OIT3: variants seen among roughly 807,000 people sequenced by gnomAD.
The protein encoded by OIT3 is oncoprotein-induced transcript 3 protein.
Under a neutral mutation model 52.2 loss-of-function variants are expected in OIT3, and 41 were observed. That is an observed-to-expected ratio of 0.79 (90% CI 0.61 to 1.02). The LOEUF (loss-of-function observed/expected upper bound fraction) is 1.02. OIT3 is among the 50% of genes least tolerant of loss of function. The probability of loss-of-function intolerance (pLI) is 0.00; values close to 1 mark genes in which losing one functional copy is unlikely to be tolerated. For synonymous variants in OIT3, 244 were observed against 276.9 expected (o/e 0.88, Z 1.18); for missense variants, 634 against 715.5 (o/e 0.89, Z 1.30).
intron 8 of OIT3, 83 bp downstream of exon 8, chr10:72,930,720 C>T (rs1355809433): frequency 1.2e-6 from 1 of 823,234 alleles, no homozygotes; most frequent in Non-Finnish European, 2.0e-6. Flanking sequence ...GTTGACATTC[C>T]AAGAGCCCAC....
chr10:72,897,242 T>C (rs1330064850), intron 1 of OIT3, among the ~76,000 whole-genome samples: 1 of 152,184 alleles, frequency 6.6e-6, no homozygotes, highest in Non-Finnish European at 1.5e-5. Flanking sequence ...CAGGCTGGTC[T>C]CGAACTCCTG....
rs185303310 is a variant in OIT3, at chr10:72,918,984, A to G, written c.952-5245A>G. 7.9e-5 allele frequency among the ~76,000 whole-genome samples: 12 copies of G among 152,344 alleles called. No homozygotes were observed. In the East Asian group the frequency reaches 2.3e-3, roughly 29 times the overall value. On this transcript the variant is annotated intron_variant, in intron 6 of 8. Coordinates refer to ENST00000334011, the MANE Select transcript of OIT3 (RefSeq NM_152635.3). ...TTTTTTGATTCGATATGAATTTTAA[A>G]ATAGATTTTTCTGCAAAGAATATCA...
At chr10:72,913,654 A>C (rs760531658) in intron 6 of OIT3, 186 bp downstream of exon 6, 1 of 689,592 alleles carries the variant, frequency 1.5e-6, no homozygotes, top group Non-Finnish European at 2.6e-6. Flanking sequence ...TGGTCCTGGC[A>C]CTGTGAAGAA....
chr10:72,924,012 C>T (rs1035735065), intron 6 of OIT3, among the ~76,000 whole-genome samples: 2 of 151,840 alleles, frequency 1.3e-5, no homozygotes, highest in Non-Finnish European at 2.9e-5. Context: ...AGCAGTCTGG[C>T]TGTGTTTTGG....
At chr10:72,908,845 T>C (rs1846003049) in intron 4 of OIT3, among the ~76,000 whole-genome samples, 1 of 152,038 alleles carries the variant, frequency 6.6e-6, no homozygotes, top group Non-Finnish European at 1.5e-5. Context: ...TTTATAACCC[T>C]TAAGTTTTAT....
In OIT3 at chr10:72,924,487, C is replaced by A. The variant is rs141975285; in HGVS notation, c.1210C>A (p.Arg404=). 1 of 1,614,154 alleles carries A rather than the reference C, an allele frequency of 6.2e-7. No individual in the cohort carries two copies. The highest frequency in any genetic ancestry group is 1.1e-5 in the South Asian group (1 of 91,082). ...GGACAATGAGTTTGAAGAGCCTTAC[C>A]GGGAAGCTCTGCCCACCCTCAAGCT... is the stretch of plus-strand genomic sequence containing the variant. ...FKDNEFEEPY[R]EALPTLKLRD... is the part of the protein sequence containing the mutation. The change falls in exon 7 of 9, where the codon CGG becomes AGG. Residue 404 remains arginine, a synonymous_variant. Transcript: ENST00000334011.
chr10:72,924,137 G>T, intron 6 of OIT3, 92 bp from the exon 7 acceptor site: 1 of 1,121,552 alleles, frequency 8.9e-7, no homozygotes, highest in Non-Finnish European at 1.3e-6. Context: ...GTGTTTTGAG[G>T]TAGATAGAAT....
At chr10:72,917,383 C>A (rs189923742) in intron 6 of OIT3, among the ~76,000 whole-genome samples, 2 of 152,130 alleles carry the variant, frequency 1.3e-5, no homozygotes, top group African/African-American at 4.8e-5. Flanking sequence ...TTTCCATGCC[C>A]AACCACCGCT....
intron 6 of OIT3, among the ~76,000 whole-genome samples, chr10:72,915,193 TA>T (rs1846062823): frequency 6.6e-6 from 1 of 152,112 alleles, no homozygotes; most frequent in Non-Finnish European, 1.5e-5. Context: ...TTTTCTTATT[TA>T]TTAAAAAGTA....
rs111375422 is a variant in OIT3 at position 72,906,991 on chromosome 10, G to A, written c.667+273G>A. 3.0e-3 allele frequency among the ~76,000 whole-genome samples: 453 copies of A among 152,330 alleles called. 3 individuals are homozygous for A. Among genetic ancestry groups the A allele is most frequent in the African/African-American group, 0.01 (422 of 41,562 alleles). ...AATAAAAATAGGGTGTTCTGGCCAG[G>A]TGCAGTGGTTCATGCCTGAAATCAC... On this transcript the variant is annotated intron_variant, in intron 4 of 8. Transcript: ENST00000334011.
chr10:72,922,632 C>T (rs1846131296), intron 6 of OIT3, among the ~76,000 whole-genome samples: 1 of 152,110 alleles, frequency 6.6e-6, no homozygotes, highest in African/African-American at 2.4e-5. Flanking sequence ...GAACATGCTC[C>T]TTTAGCTCAG....
chr10:72,913,557 C>A, intron 6 of OIT3, 89 bp downstream of exon 6: 2 of 1,020,626 alleles, frequency 2.0e-6, no homozygotes, highest in Non-Finnish European at 3.1e-6. Flanking sequence ...TGGCTTGTGT[C>A]ATCGATGAGA....
rs199865654 is a variant in OIT3 at position 72,911,858 on chromosome 10, G to T, written c.790+19G>T. The T allele has an allele frequency of 6.2e-7, 1 of 1,605,380 alleles. No individual in the cohort carries two copies. Among genetic ancestry groups the T allele is most frequent in the East Asian group, 2.2e-5 (1 of 44,626 alleles). ...TGCCAAGGTAGTACATGGGGCAGGG[G>T]GACTTGTCTCTACTCTGATTACACT... On this transcript the variant is annotated intron_variant, in intron 5 of 8. Transcript: ENST00000334011.
chr10:72,898,306 T>A (rs1297586258), intron 1 of OIT3, among the ~76,000 whole-genome samples: 1 of 151,912 alleles, frequency 6.6e-6, no homozygotes, highest in Non-Finnish European at 1.5e-5. Flanking sequence ...AATAATACAG[T>A]CTCCATGTAT....
At chr10:72,929,091 C>T (rs1846192472) in intron 7 of OIT3, among the ~76,000 whole-genome samples, 1 of 151,866 alleles carries the variant, frequency 6.6e-6, no homozygotes, top group Non-Finnish European at 1.5e-5. Context: ...CCTATAATCC[C>T]ACTGAGGGGC....
rs765106539 is a variant in OIT3, at chr10:72,900,485, G to A, written c.544+1G>A. The A allele has an allele frequency of 9.7e-6, 15 of 1,545,558 alleles. No individual in the cohort carries two copies. Among genetic ancestry groups the A allele is most frequent in the South Asian group, 9.0e-5 (8 of 89,256 alleles). ...GGCCCTGACAGGCAGACATGCTTTG[G>A]TAAGAAACTCATCAAAGGTAGAATC... is the stretch of plus-strand genomic sequence containing the variant. On this transcript the variant is annotated splice_donor_variant, in intron 3 of 8. Transcript: ENST00000334011. LOFTEE classifies it high-confidence loss of function.
intron 6 of OIT3, among the ~76,000 whole-genome samples, chr10:72,917,050 T>C (rs1276053837): frequency 1.3e-5 from 2 of 152,212 alleles, no homozygotes; most frequent in Non-Finnish European, 2.9e-5. Context: ...TTAAGTTTCT[T>C]GTAGATGCTG....
intron 2 of OIT3, among the ~76,000 whole-genome samples, chr10:72,899,915 A>G (rs1339604693): frequency 6.6e-6 from 1 of 152,228 alleles, no homozygotes; most frequent in African/African-American, 2.4e-5. Flanking sequence ...TTTTTTAAAT[A>G]GAACACTAGA....
intron 6 of OIT3, among the ~76,000 whole-genome samples, chr10:72,923,618 C>T (rs1394990282): frequency 6.6e-6 from 1 of 152,234 alleles, no homozygotes; most frequent in Non-Finnish European, 1.5e-5. Flanking sequence ...CCTCTGGGAG[C>T]TCCATCCCAG....
Sources: gnomAD v4.1 joint callset for allele counts (sites outside exome capture counted in the v4.1 genomes callset) on GRCh38, gnomAD v4.1.1 for gene constraint, MANE v1.5 for transcripts, NCBI Gene and HGNC (gene_info 2026-07-23, HGNC 2026-07-21) for gene names.